Variants in LCLAT1 observed in about 807,000 individuals in gnomAD.
The protein encoded by LCLAT1 is lysocardiolipin acyltransferase 1.
In LCLAT1, 11 loss-of-function variants were observed where a neutral mutation model predicts 30.7. That is an observed-to-expected ratio of 0.36 (90% CI 0.23 to 0.59). The LOEUF (loss-of-function observed/expected upper bound fraction) is 0.59, where lower values mean the gene tolerates loss of function less well. LCLAT1 is among the 20% of genes least tolerant of loss of function. LCLAT1 has a pLI of 0.77. For synonymous variants in LCLAT1, 155 were observed against 151.3 expected, an observed-to-expected ratio of 1.02 and a Z score of -0.18; for missense variants, 402 against 458.6, an observed-to-expected ratio of 0.88 and a Z score of 1.13.
At chr2:30,488,278 A>G (rs1017599951) in intron 1 of LCLAT1, among the ~76,000 whole-genome samples, 1 of 152,240 alleles carries the variant, frequency 6.6e-6, no homozygotes, top group Non-Finnish European at 1.5e-5. Flanking sequence ...TTTGGCTGTA[A>G]GTTTCTAAAA....
intron 1 of LCLAT1, among the ~76,000 whole-genome samples, chr2:30,471,074 G>C (rs1682761312): frequency 6.6e-6 from 1 of 150,998 alleles, no homozygotes; most frequent in Non-Finnish European, 1.5e-5. Flanking sequence ...CACCACGCCT[G>C]GCTAATTTTT....
intron 5 of LCLAT1, among the ~76,000 whole-genome samples, chr2:30,621,759 C>T (rs1053615618): frequency 2.0e-5 from 3 of 152,070 alleles, no homozygotes; most frequent in African/African-American, 2.4e-5. Context: ...TGGGTACTCT[C>T]ATTCCCAGGG....
intron 3 of LCLAT1, among the ~76,000 whole-genome samples, chr2:30,550,709 C>A (rs958909733): frequency 6.6e-6 from 1 of 152,074 alleles, no homozygotes; most frequent in African/African-American, 2.4e-5. Context: ...CTGTTTTCCC[C>A]TTTACATTTA....
At chr2:30,479,594 C>A (rs1008566404) in intron 1 of LCLAT1, among the ~76,000 whole-genome samples, 3 of 152,130 alleles carry the variant, frequency 2.0e-5, no homozygotes, top group Admixed American at 2.0e-4. Context: ...GGTAAGACTA[C>A]TGATGGTCAT....
At chr2:30,637,656 C>G (rs542523644) in intron 5 of LCLAT1, among the ~76,000 whole-genome samples, 1 of 152,326 alleles carries the variant, frequency 6.6e-6, no homozygotes, top group South Asian at 2.1e-4. Context: ...CAGCTCACTG[C>G]AACCTCTGCC....
intron 1 of LCLAT1, among the ~76,000 whole-genome samples, chr2:30,500,318 A>G (rs1684312907): frequency 6.6e-6 from 1 of 152,136 alleles, no homozygotes; most frequent in Non-Finnish European, 1.5e-5. Flanking sequence ...TCAGTACTTC[A>G]TGGTTTTTTT....
At chr2:30,521,936 C>T (rs1456891387) in intron 1 of LCLAT1, among the ~76,000 whole-genome samples, 4 of 152,124 alleles carry the variant, frequency 2.6e-5, no homozygotes, top group Admixed American at 6.5e-5. Context: ...ATGAAATAAT[C>T]CAGTAAAAGA....
chr2:30,556,043 C>G (rs1183388589), intron 3 of LCLAT1, among the ~76,000 whole-genome samples: 3 of 151,934 alleles, frequency 2.0e-5, no homozygotes, highest in African/African-American at 7.3e-5. Context: ...ATCCGCCCAC[C>G]TCGGCCTTCC....
At chr2:30,468,925 A>G (rs1233088806) in intron 1 of LCLAT1, among the ~76,000 whole-genome samples, 4 of 152,132 alleles carry the variant, frequency 2.6e-5, no homozygotes, top group Non-Finnish European at 4.4e-5. Flanking sequence ...GTTATTTTCC[A>G]TTTTTAAAAT....
intron 3 of LCLAT1, among the ~76,000 whole-genome samples, chr2:30,543,084 T>C (rs1359489144): frequency 1.3e-5 from 2 of 151,910 alleles, no homozygotes; most frequent in Non-Finnish European, 2.9e-5. Flanking sequence ...CACTGTTGAG[T>C]ATAATGCTAA....
chr2:30,540,772 C>T (rs910143240), intron 3 of LCLAT1, among the ~76,000 whole-genome samples: 31 of 151,758 alleles, frequency 2.0e-4, no homozygotes, highest in Middle Eastern at 3.4e-3. Context: ...TCAAGCGATT[C>T]TCCTGCCTCA....
chr2:30,497,811 G>T (rs985923533), intron 1 of LCLAT1, among the ~76,000 whole-genome samples: 3 of 151,946 alleles, frequency 2.0e-5, no homozygotes, highest in Non-Finnish European at 2.9e-5. Flanking sequence ...AATAACTTAG[G>T]GTATTCATAT....
chr2:30,581,014 C>T (rs1403491311), intron 5 of LCLAT1, among the ~76,000 whole-genome samples: 1 of 152,056 alleles, frequency 6.6e-6, no homozygotes, highest in African/African-American at 2.4e-5. Flanking sequence ...TGCTCTCTGT[C>T]AGATCAGAGG....
At chr2:30,455,124 C>G (rs1406691999) in intron 1 of LCLAT1, among the ~76,000 whole-genome samples, 2 of 149,086 alleles carry the variant, frequency 1.3e-5, no homozygotes, top group Non-Finnish European at 3.0e-5. Flanking sequence ...GATATAATTT[C>G]TAAAGCCGTA....
intron 5 of LCLAT1, among the ~76,000 whole-genome samples, chr2:30,585,261 T>C (rs191969826): frequency 1.9e-3 from 286 of 151,262 alleles, no homozygotes; most frequent in Non-Finnish European, 3.2e-3. Context: ...GATTTATCCA[T>C]CCTCGGTAAA....
At chr2:30,513,945 G>A (rs829635) in intron 1 of LCLAT1, among the ~76,000 whole-genome samples, 129,124 of 152,240 alleles carry the variant, frequency 0.85, 54,910 homozygotes, top group East Asian at 0.94. Flanking sequence ...CCTTGGGCAC[G>A]TGCCTTCAGG....
chr2:30,516,759 C>T (rs1685205333), intron 1 of LCLAT1, among the ~76,000 whole-genome samples: 1 of 152,188 alleles, frequency 6.6e-6, no homozygotes, highest in African/African-American at 2.4e-5. Flanking sequence ...TACTGGACCA[C>T]TTTGACTTGC....
At position 30,625,368 on chromosome 2, in the gene LCLAT1, C is replaced by T. The variant is rs528942326; in HGVS notation, c.629-14749C>T. 3.2e-4 allele frequency among the ~76,000 whole-genome samples: 49 copies of T among 152,160 alleles called. 1 individual carries two copies. Among genetic ancestry groups the T allele is most frequent in the Admixed American group, 2.9e-3 (44 of 15,296 alleles). On this transcript the variant is annotated intron_variant, in intron 5 of 5. Transcript: ENST00000379509. ...TAACCAAAAAATGAAGAGAGAAGAT[C>T]CAAATAAGCTCAGTTAGAAATGAAA... is the stretch of plus-strand genomic sequence containing the variant.
intron 5 of LCLAT1, among the ~76,000 whole-genome samples, chr2:30,570,694 G>A (rs908047206): frequency 1.3e-5 from 2 of 152,170 alleles, no homozygotes; most frequent in Non-Finnish European, 2.9e-5. Context: ...TCTAACACTA[G>A]TGAGCTGGAA....
Sources: gnomAD v4.1 joint callset for allele counts (sites outside exome capture counted in the v4.1 genomes callset) on GRCh38, gnomAD v4.1.1 for gene constraint, MANE v1.5 for transcripts, NCBI Gene and HGNC (gene_info 2026-07-23, HGNC 2026-07-21) for gene names.